Variants in SRPK2 observed in about 807,000 individuals in gnomAD.
SRPK2 encodes SFRS protein kinase 2.
SRPK2 carries 21 observed loss-of-function variants against 90.8 expected under a neutral mutation model. That is an observed-to-expected ratio of 0.23 (90% CI 0.16 to 0.33). The LOEUF (loss-of-function observed/expected upper bound fraction) is 0.33. SRPK2 is among the 10% of genes least tolerant of loss of function. SRPK2 has a pLI of 1.00. For synonymous variants in SRPK2, 288 were observed against 311.1 expected (o/e 0.93, Z 0.78); for missense variants, 620 against 869.0 (o/e 0.71, Z 3.60).
chr7:105,347,538 A>G (rs1816608465), intron 2 of SRPK2, among the ~76,000 whole-genome samples: 1 of 151,958 alleles, frequency 6.6e-6, no homozygotes, highest in South Asian at 2.1e-4. Context: ...TCAGCCGAAG[A>G]ATGAGGGGGA....
chr7:105,142,380 A>T lies in SRPK2; in HGVS notation c.1171T>A (p.Ser391Thr). 3 of 1,614,016 alleles carry T rather than the reference A, an allele frequency of 1.9e-6. No homozygotes were observed. Among genetic ancestry groups the T allele is most frequent in the Non-Finnish European group, 2.5e-6 (3 of 1,179,996 alleles). The change falls in exon 11 of 16, where the codon TCA (serine) becomes ACA (threonine). Residue 391 changes from serine to threonine, a missense_variant. This residue lies in a region of SRPK2 where 243 missense variants were observed against 245.7 expected (regional missense o/e 0.99). Transcript: ENST00000393651. ...LANIDPTWIE[S>T]PKTNGHIENG... is the part of the protein sequence containing the mutation. ...TCAATATGGCCATTGGTTTTAGGTG[A>T]TTCTATCCACGTAGGGTCTATGTTC...
intron 2 of SRPK2, chr7:105,302,105 A>C (rs957181695): frequency 2.6e-6 from 4 of 1,530,392 alleles, no homozygotes; most frequent in Admixed American, 1.7e-5. Flanking sequence ...ATTTGAGACA[A>C]GGAAAGAGCA....
At chr7:105,126,646 C>G (rs1801258152) in intron 14 of SRPK2, among the ~76,000 whole-genome samples, 1 of 152,184 alleles carries the variant, frequency 6.6e-6, no homozygotes, top group African/African-American at 2.4e-5. Context: ...AGCTCCCAAA[C>G]AGGACAGAGA....
Position 105,388,687 on chromosome 7 carries a change from G to A in SRPK2, c.32C>T (p.Ala11Val). The change falls in exon 2 of 16, where the codon GCC (alanine) becomes GTC (valine). Residue 11 changes from alanine (A) to valine (V), a missense_variant. Transcript: ENST00000393651. MSSRKVLAIQ[A>V]RKRRPKREKH... ...CTCTCTTTTCGGCCTCCGCTTTCGG[G>A]CCTGAATGGCCAGCACTGGGGAAGA... 3.8e-6 allele frequency: 6 copies of A among 1,588,488 alleles called. No homozygotes were observed. Among genetic ancestry groups the A allele is most frequent in the East Asian group, 2.3e-5 (1 of 42,830 alleles).
In SRPK2 at chr7:105,203,719, T is replaced by C. The variant is rs770900060; in HGVS notation, c.138A>G (p.Pro46=). 3.9e-6 allele frequency: 6 copies of C among 1,525,526 alleles called. No homozygotes were observed. The South Asian group carries it at 6.9e-5, about 17-fold the overall frequency. The allele number at this position is 1,525,526 out of a possible 1,614,324, so 94.5% of individuals were successfully genotyped here. Reference sequence around the variant, plus strand: ...CCGGGGGTGTGGGGTCTGGCAAAGGTGGCGGTGGTGGTGGTGGTGGCGGTG... The same window carrying C: ...CCGGGGGTGTGGGGTCTGGCAAAGGCGGCGGTGGTGGTGGTGGTGGCGGTG... ...PPPPPPPPPP[P]PLPDPTPPEP... is the part of the protein sequence containing the mutation. Residue 46 remains proline, a synonymous_variant, in exon 3 of 16, where the codon CCA becomes CCG. Coordinates refer to ENST00000393651, the MANE Select transcript of SRPK2 (RefSeq NM_182692.3).
intron 2 of SRPK2, among the ~76,000 whole-genome samples, chr7:105,249,801 T>C (rs543209550): frequency 1.3e-5 from 2 of 152,202 alleles, no homozygotes; most frequent in Non-Finnish European, 2.9e-5. Flanking sequence ...ATTAAAATGC[T>C]ACATCATTCA....
intron 14 of SRPK2, 95 bp downstream of exon 14, chr7:105,126,898 A>G: frequency 1.6e-6 from 2 of 1,241,250 alleles, no homozygotes; most frequent in Middle Eastern, 1.9e-4. Context: ...AACCAAACAC[A>G]TGGCTCTATT....
intron 2 of SRPK2, among the ~76,000 whole-genome samples, chr7:105,333,693 T>C (rs1585753825): frequency 6.6e-6 from 1 of 152,194 alleles, no homozygotes; most frequent in African/African-American, 2.4e-5. Flanking sequence ...CAGAAGAGAA[T>C]ACACATATAC....
intron 2 of SRPK2, among the ~76,000 whole-genome samples, chr7:105,290,649 C>T (rs934006208): frequency 2.6e-5 from 4 of 152,120 alleles, no homozygotes; most frequent in African/African-American, 9.7e-5. Context: ...GGGTAACACA[C>T]GCAGACTCTG....
At chr7:105,387,286 C>A (rs1049037205) in intron 2 of SRPK2, among the ~76,000 whole-genome samples, 1 of 152,206 alleles carries the variant, frequency 6.6e-6, no homozygotes, top group Non-Finnish European at 1.5e-5. Flanking sequence ...CTAAACATTA[C>A]AGTTCTCCTT....
upstream of SRPK2, among the ~76,000 whole-genome samples, chr7:105,390,521 CGGGT>C (rs950712340): frequency 2.0e-5 from 3 of 151,976 alleles, no homozygotes; most frequent in African/African-American, 7.2e-5. Context: ...CTCAGCCTCC[CGGGT>C]CCAAGCCATT....
intron 2 of SRPK2, among the ~76,000 whole-genome samples, chr7:105,232,450 A>G (rs556161021): frequency 8.7e-4 from 75 of 85,716 alleles, no homozygotes; most frequent in Admixed American, 7.9e-3. Context: ...CAAGAGCGAA[A>G]CCTTATCTAA....
At chr7:105,279,600 C>A (rs1563184656) in intron 2 of SRPK2, among the ~76,000 whole-genome samples, 1 of 152,104 alleles carries the variant, frequency 6.6e-6, no homozygotes, top group Non-Finnish European at 1.5e-5. Context: ...TCACAGTTCA[C>A]CAGAACTGTT....
intron 6 of SRPK2, among the ~76,000 whole-genome samples, chr7:105,162,696 G>A (rs929764883): frequency 2.0e-5 from 3 of 152,104 alleles, no homozygotes; most frequent in South Asian, 4.1e-4. Context: ...TTACAAAAAC[G>A]GCAGATTATT....
intron 2 of SRPK2, among the ~76,000 whole-genome samples, chr7:105,254,879 G>A (rs982443063): frequency 6.6e-5 from 10 of 151,596 alleles, no homozygotes; most frequent in Non-Finnish European, 1.3e-4. Flanking sequence ...TAGTAGAGAT[G>A]GGGTTTCACC....
At chr7:105,276,764 A>G (rs1047748761) in intron 2 of SRPK2, among the ~76,000 whole-genome samples, 3 of 152,140 alleles carry the variant, frequency 2.0e-5, no homozygotes, top group Non-Finnish European at 4.4e-5. Context: ...ATACGTGTTA[A>G]GGTTGCCTGA....
chr7:105,135,412 C>T (rs189119599), intron 11 of SRPK2, among the ~76,000 whole-genome samples: 1 of 152,264 alleles, frequency 6.6e-6, no homozygotes, highest in East Asian at 1.9e-4. Context: ...GGCAGAGGCT[C>T]CCAACTGGTC....
intron 2 of SRPK2, among the ~76,000 whole-genome samples, chr7:105,279,286 T>A (rs1470125401): frequency 8.6e-6 from 1 of 116,794 alleles, no homozygotes; most frequent in East Asian, 2.0e-4. Context: ...GCTGGTTAGG[T>A]TTCTGATTTA....
At chr7:105,362,655 A>G (rs1445953872) in intron 2 of SRPK2, among the ~76,000 whole-genome samples, 3 of 152,186 alleles carry the variant, frequency 2.0e-5, no homozygotes, top group African/African-American at 7.2e-5. Flanking sequence ...TCAAGGATCT[A>G]GAAATAGAAA....
Sources: allele counts gnomAD v4.1 joint callset (sites outside exome capture counted in the v4.1 genomes callset), GRCh38; gene constraint gnomAD v4.1.1; regional missense constraint gnomAD v4.1.1; transcripts MANE v1.5; gene names NCBI Gene and HGNC (gene_info 2026-07-23, HGNC 2026-07-21).